NEDD4L: variants seen among roughly 807,000 people sequenced by gnomAD.
The protein encoded by NEDD4L is NEDD4 like E3 ubiquitin protein ligase.
Under a neutral mutation model 148.9 loss-of-function variants are expected in NEDD4L, and 54 were observed. The observed-to-expected ratio is 0.36, with a 90% confidence interval of 0.29 to 0.45. NEDD4L has a LOEUF of 0.45. NEDD4L is among the 20% of genes least tolerant of loss of function. The pLI is 1.00. For missense variants in NEDD4L, 856 were observed against 1,233.8 expected, an observed-to-expected ratio of 0.69 and a Z score of 4.59; for synonymous variants, 433 against 440.7, an observed-to-expected ratio of 0.98 and a Z score of 0.22.
rs1313735955 is a variant in NEDD4L, at chr18:58,127,797, T to C, written c.49-37991T>C. On this transcript the variant is annotated intron_variant, in intron 1 of 30. Coordinates refer to ENST00000400345, the MANE Select transcript of NEDD4L (RefSeq NM_001144967.3). The stretch of plus-strand genomic sequence containing the variant: ...CGGAGTTTGCAGTGAGCGGACATAG[T>C]GCCACTGCACTCCAGCCTGGGCCAC... Among the ~76,000 whole-genome samples, 4 of 138,796 alleles carry C rather than the reference T, an allele frequency of 2.9e-5. No individual in the cohort carries two copies. The East Asian group carries it at 9.2e-4, about 32-fold the overall frequency. 91.1% of individuals were successfully genotyped at this position (138,796 alleles called of 152,430 possible).
At chr18:58,326,279 C>G (rs781266870) in intron 9 of NEDD4L, among the ~76,000 whole-genome samples, 1 of 152,124 alleles carries the variant, frequency 6.6e-6, no homozygotes, top group Non-Finnish European at 1.5e-5. Context: ...GGTGGGTTCT[C>G]GTGAATGTCA....
chr18:58,117,504 G>A (rs1184947622), intron 1 of NEDD4L, among the ~76,000 whole-genome samples: 1 of 152,286 alleles, frequency 6.6e-6, no homozygotes, highest in East Asian at 1.9e-4. Flanking sequence ...AAGCTAATGA[G>A]ACCAGAGGTC....
chr18:58,275,206 CGTT>C (rs2051707595), intron 5 of NEDD4L, among the ~76,000 whole-genome samples: 1 of 151,842 alleles, frequency 6.6e-6, no homozygotes, highest in Non-Finnish European at 1.5e-5. Flanking sequence ...CTAGAGAAAA[CGTT>C]AAAAATCATA....
chr18:58,335,312 G>T (rs1348926195), intron 12 of NEDD4L, among the ~76,000 whole-genome samples, 166 bp from the exon 13 acceptor site: 1 of 152,222 alleles, frequency 6.6e-6, no homozygotes, highest in Non-Finnish European at 1.5e-5. Context: ...CTTCCTTTGT[G>T]CTACTGGTCA....
At chr18:58,118,384 T>A (rs12605282) in intron 1 of NEDD4L, among the ~76,000 whole-genome samples, 3,623 of 152,378 alleles carry the variant, frequency 0.024, 115 homozygotes, top group East Asian at 0.16. Flanking sequence ...CTGAAATTGG[T>A]GAAGCAGACT....
intron 5 of NEDD4L, among the ~76,000 whole-genome samples, chr18:58,275,393 A>G (rs2051745151): frequency 6.6e-6 from 1 of 152,164 alleles, no homozygotes. Context: ...GCTCAAACCC[A>G]TCTTGTTCAA....
chr18:58,140,775 G>A lies in NEDD4L; in HGVS notation c.49-25013G>A, dbSNP rs80353976. ...GCTGCTGAATTAAACCTTTGTGTCGGCCTTGGCCACTCTTATGGCTCTGCT... is the reference window on the plus strand; with the variant it reads ...GCTGCTGAATTAAACCTTTGTGTCGACCTTGGCCACTCTTATGGCTCTGCT... On this transcript the variant is annotated intron_variant, in intron 1 of 30. Transcript: ENST00000400345. 2.8e-3 allele frequency among the ~76,000 whole-genome samples: 426 copies of A among 152,356 alleles called. 2 individuals carry two copies. The highest frequency in any genetic ancestry group is 9.6e-3 in the African/African-American group (398 of 41,588).
intron 1 of NEDD4L, among the ~76,000 whole-genome samples, chr18:58,103,769 G>A (rs1440616410): frequency 6.6e-6 from 1 of 152,248 alleles, no homozygotes; most frequent in Non-Finnish European, 1.5e-5. Context: ...AGCTGACTGT[G>A]GGAATATTGG....
At chr18:58,193,441 C>G (rs906508826) in intron 2 of NEDD4L, among the ~76,000 whole-genome samples, 14 of 152,222 alleles carry the variant, frequency 9.2e-5, no homozygotes, top group African/African-American at 3.4e-4. Context: ...TGTGGCACAG[C>G]TGGTCACCCA....
chr18:58,193,080 G>A lies in NEDD4L; in HGVS notation c.122+27219G>A, dbSNP rs375095196. Among the ~76,000 whole-genome samples the A allele has an allele frequency of 2.6e-5, 4 of 152,178 alleles. No individual in the cohort carries two copies. The South Asian group carries it at 6.2e-4, about 24-fold the overall frequency. On this transcript the variant is annotated intron_variant, in intron 2 of 30. Transcript: ENST00000400345. ...GGAGAGTAAGACCAGTGTATAGGGT[G>A]TGGATGAGGTCAGATGCGAGACTAT...
intron 1 of NEDD4L, among the ~76,000 whole-genome samples, chr18:58,139,287 A>G (rs923747251): frequency 1.3e-5 from 2 of 149,174 alleles, no homozygotes; most frequent in Non-Finnish European, 3.0e-5. Context: ...TTCCCTCCCA[A>G]CCCCTCCCCC....
intron 2 of NEDD4L, among the ~76,000 whole-genome samples, chr18:58,174,942 TCTC>T (rs1481620693): frequency 6.6e-6 from 1 of 152,186 alleles, no homozygotes; most frequent in Non-Finnish European, 1.5e-5. Flanking sequence ...ACAAAGTAAA[TCTC>T]CTTATTTTAC....
chr18:58,072,345 A>G (rs2082911697), intron 1 of NEDD4L, among the ~76,000 whole-genome samples: 1 of 152,182 alleles, frequency 6.6e-6, no homozygotes, highest in Non-Finnish European at 1.5e-5. Context: ...TCCCATTCTC[A>G]CTACTTGTAT....
intron 19 of NEDD4L, chr18:58,357,513 A>T: frequency 1.6e-6 from 1 of 634,446 alleles, no homozygotes; most frequent in East Asian, 3.3e-5. Context: ...CTCCTTTATA[A>T]AAGGGTGGAC....
intron 5 of NEDD4L, among the ~76,000 whole-genome samples, chr18:58,278,479 C>T (rs1339819253): frequency 6.6e-6 from 1 of 152,224 alleles, no homozygotes; most frequent in Non-Finnish European, 1.5e-5. Flanking sequence ...CACATTATAG[C>T]TCAAAAGTAT....
chr18:58,251,356 T>C (rs1024607282), intron 4 of NEDD4L, among the ~76,000 whole-genome samples: 5 of 152,152 alleles, frequency 3.3e-5, no homozygotes, highest in African/African-American at 1.2e-4. Context: ...TGAAACCTCA[T>C]CTCTACAAAA....
At chr18:58,212,431 G>A (rs2042686969) in intron 2 of NEDD4L, among the ~76,000 whole-genome samples, 1 of 152,118 alleles carries the variant, frequency 6.6e-6, no homozygotes, top group African/African-American at 2.4e-5. Flanking sequence ...ATGGTGGCAG[G>A]CAACAGAGTG....
chr18:58,116,272 A>G (rs1036014915), intron 1 of NEDD4L, among the ~76,000 whole-genome samples: 1 of 152,234 alleles, frequency 6.6e-6, no homozygotes, highest in Non-Finnish European at 1.5e-5. Flanking sequence ...CAACCACAAA[A>G]TCATTTAATT....
At chr18:58,278,768 T>C (rs1015272524) in intron 5 of NEDD4L, among the ~76,000 whole-genome samples, 5 of 152,270 alleles carry the variant, frequency 3.3e-5, no homozygotes, top group Non-Finnish European at 5.9e-5. Context: ...CTGTCTTCTC[T>C]GTCATATCTA....
Sources: allele counts gnomAD v4.1 joint callset (sites outside exome capture counted in the v4.1 genomes callset), GRCh38; gene constraint gnomAD v4.1.1; transcripts MANE v1.5; gene names NCBI Gene and HGNC (gene_info 2026-07-23, HGNC 2026-07-21).